HSD17B2: variants seen among roughly 807,000 people sequenced by gnomAD.
HSD17B2 encodes the protein hydroxysteroid 17-beta dehydrogenase 2.
HSD17B2 carries 32 observed loss-of-function variants against 26.9 expected under a neutral mutation model. That is an observed-to-expected ratio of 1.19 (90% CI 0.90 to 1.60). HSD17B2 has a LOEUF of 1.60. Ranked by LOEUF, HSD17B2 falls within the 40% of genes most tolerant of loss-of-function variation. The pLI is 0.00. For synonymous variants in HSD17B2, 246 were observed against 186.7 expected (o/e 1.32, Z -2.59); for missense variants, 613 against 468.6 (o/e 1.31, Z -2.85).
chr16:82,051,532 C>G (rs557383183), intron 1 of HSD17B2, among the ~76,000 whole-genome samples: 30 of 149,544 alleles, frequency 2.0e-4, no homozygotes, highest in Admixed American at 9.4e-4. Flanking sequence ...CATAGGGACA[C>G]AGAGAGAGTA....
chr16:82,086,377 G>A (rs1370888786), intron 3 of HSD17B2, among the ~76,000 whole-genome samples: 1 of 152,206 alleles, frequency 6.6e-6, no homozygotes, highest in Non-Finnish European at 1.5e-5. Flanking sequence ...ACGGTGGGGA[G>A]AGAGAGGGTC....
intron 3 of HSD17B2, among the ~76,000 whole-genome samples, chr16:82,084,001 A>C (rs1167250966): frequency 6.6e-6 from 1 of 152,200 alleles, no homozygotes; most frequent in East Asian, 1.9e-4. Context: ...TGCTCTTCAG[A>C]AATGTTCGCA....
intron 4 of HSD17B2, chr16:82,094,807 G>C (rs548152679): frequency 6.6e-6 from 1 of 152,160 alleles, no homozygotes; most frequent in Non-Finnish European, 1.5e-5. Context: ...CAGATTTTAA[G>C]TGCTTTATGT....
chr16:82,064,136 A>C (rs1234991854), intron 1 of HSD17B2, among the ~76,000 whole-genome samples: 1 of 152,160 alleles, frequency 6.6e-6, no homozygotes, highest in Non-Finnish European at 1.5e-5. Flanking sequence ...CTTCCAAGGA[A>C]CTTTCCTAAG....
At chr16:82,047,683 T>C (rs1913976362) in intron 1 of HSD17B2, among the ~76,000 whole-genome samples, 1 of 152,188 alleles carries the variant, frequency 6.6e-6, no homozygotes, top group African/African-American at 2.4e-5. Context: ...CTGTAGGACT[T>C]GCTGTCTTAT....
At chr16:82,073,483 CA>C (rs778806604) in intron 3 of HSD17B2, among the ~76,000 whole-genome samples, 11 of 152,090 alleles carry the variant, frequency 7.2e-5, no homozygotes, top group Non-Finnish European at 1.3e-4. Context: ...CTCAGCCCCC[CA>C]AAGTTCTGGG....
At position 82,074,105 on chromosome 16, in the gene HSD17B2, G is replaced by C. The variant is rs1914759096; in HGVS notation, c.664+2978G>C. Among the ~76,000 whole-genome samples the C allele has an allele frequency of 3.3e-5, 5 of 152,192 alleles. No individual in the cohort carries two copies. The South Asian group carries it at 1.0e-3, about 32-fold the overall frequency. ...GAAAAAAACAAGCAATGGGGGTAAG[G>C]ATTCCCTATTCAATAAACGATGCTG... On this transcript the variant is annotated intron_variant, in intron 3 of 4. Coordinates refer to ENST00000199936, the MANE Select transcript of HSD17B2 (RefSeq NM_002153.3).
intron 1 of HSD17B2, among the ~76,000 whole-genome samples, chr16:82,060,338 C>T (rs1285860422): frequency 6.6e-6 from 1 of 152,160 alleles, no homozygotes; most frequent in African/African-American, 2.4e-5. Flanking sequence ...TCAGGGTAGG[C>T]TGCATTACTG....
At chr16:82,073,680 A>G (rs1362652998) in intron 3 of HSD17B2, among the ~76,000 whole-genome samples, 2 of 152,158 alleles carry the variant, frequency 1.3e-5, no homozygotes, top group African/African-American at 4.8e-5. Flanking sequence ...AGACTACAAA[A>G]CACTGCTCAA....
rs7203384 is a variant in HSD17B2, at chr16:82,041,750, T to C, written c.265+6061T>C. The stretch of plus-strand genomic sequence containing the variant: ...CCTACACTTCCTCCAAGGTAATCTC[T>C]GACTCTGTCTTTACTCCACCTTCTT... On this transcript the variant is annotated intron_variant, in intron 1 of 4. Transcript: ENST00000199936. Among the ~76,000 whole-genome samples the C allele has an allele frequency of 2.0e-5, 3 of 152,176 alleles. No individual in the cohort carries two copies. In the East Asian group the frequency reaches 5.8e-4, roughly 29 times the overall value.
chr16:82,044,052 T>A (rs1913844092), intron 1 of HSD17B2, among the ~76,000 whole-genome samples: 1 of 152,170 alleles, frequency 6.6e-6, no homozygotes. Context: ...CCTTTTACCA[T>A]TCCTCCCATG....
intron 1 of HSD17B2, among the ~76,000 whole-genome samples, chr16:82,052,989 A>G (rs1029061671): frequency 1.3e-5 from 2 of 152,224 alleles, no homozygotes; most frequent in Non-Finnish European, 2.9e-5. Flanking sequence ...CTCTTCTTAT[A>G]AAGCCACCAG....
At chr16:82,088,779 G>C (rs945827273) in intron 3 of HSD17B2, among the ~76,000 whole-genome samples, 1 of 152,176 alleles carries the variant, frequency 6.6e-6, no homozygotes, top group Non-Finnish European at 1.5e-5. Context: ...TTTAATGAGA[G>C]TCTGCTTGAT....
intron 3 of HSD17B2, among the ~76,000 whole-genome samples, chr16:82,080,426 A>T (rs1416623727): frequency 6.6e-6 from 1 of 152,200 alleles, no homozygotes; most frequent in Non-Finnish European, 1.5e-5. Context: ...GGAAGATGGT[A>T]CCTAGGTGGC....
chr16:82,078,556 T>C (rs1036297912), intron 3 of HSD17B2, among the ~76,000 whole-genome samples: 3 of 152,222 alleles, frequency 2.0e-5, no homozygotes, highest in Non-Finnish European at 4.4e-5. Flanking sequence ...ATCAAAGAGA[T>C]ATCTGCAGTC....
At chr16:82,068,849 C>T (rs1242299321) in intron 2 of HSD17B2, among the ~76,000 whole-genome samples, 3 of 152,216 alleles carry the variant, frequency 2.0e-5, no homozygotes, top group African/African-American at 7.2e-5. Context: ...GGCTCTCACT[C>T]TGCCTCCCTA....
intron 1 of HSD17B2, among the ~76,000 whole-genome samples, chr16:82,042,273 G>A: frequency 6.6e-6 from 1 of 151,778 alleles, no homozygotes; most frequent in Non-Finnish European, 1.5e-5. Context: ...CCAAAGCGCT[G>A]GGATTACAGG....
intron 1 of HSD17B2, among the ~76,000 whole-genome samples, chr16:82,041,145 T>C (rs935065159): frequency 4.6e-5 from 7 of 152,218 alleles, no homozygotes; most frequent in African/African-American, 1.7e-4. Context: ...TGGAAATCCA[T>C]GCCAACTATA....
At chr16:82,053,792 C>G (rs1002813847) in intron 1 of HSD17B2, among the ~76,000 whole-genome samples, 2 of 152,168 alleles carry the variant, frequency 1.3e-5, no homozygotes, top group Non-Finnish European at 2.9e-5. Flanking sequence ...TGTGTTGCTG[C>G]TGGGGAGCTC....
Sources: allele counts gnomAD v4.1 joint callset (sites outside exome capture counted in the v4.1 genomes callset), GRCh38; gene constraint gnomAD v4.1.1; transcripts MANE v1.5; gene names NCBI Gene and HGNC (gene_info 2026-07-23, HGNC 2026-07-21).